Variants in NPTN observed in about 807,000 individuals in gnomAD.
NPTN encodes the protein SDR-1.
In NPTN, 5 loss-of-function variants were observed where a neutral mutation model predicts 42.7. That is an observed-to-expected ratio of 0.12 (90% CI 0.06 to 0.25). The LOEUF (loss-of-function observed/expected upper bound fraction) is 0.25, where lower values mean the gene tolerates loss of function less well. NPTN is among the 10% of genes least tolerant of loss of function. NPTN has a pLI of 1.00. For synonymous variants in NPTN, 180 were observed against 201.9 expected (o/e 0.89, Z 0.92); for missense variants, 307 against 525.4 (o/e 0.58, Z 4.06).
At chr15:73,583,675 CA>C (rs1448511325) in intron 4 of NPTN, among the ~76,000 whole-genome samples, 4 of 152,198 alleles carry the variant, frequency 2.6e-5, no homozygotes, top group Non-Finnish European at 5.9e-5. Context: ...ATTATGCCTT[CA>C]AAGACTTCTC....
chr15:73,587,671 T>C, intron 3 of NPTN, 53 bp from the exon 4 acceptor site: 1 of 1,299,428 alleles, frequency 7.7e-7, no homozygotes, highest in Non-Finnish European at 1.1e-6. Context: ...GGTCAAAATA[T>C]AAAACAGAAG....
intron 1 of NPTN, among the ~76,000 whole-genome samples, chr15:73,630,775 TG>T (rs1898693866): frequency 6.6e-6 from 1 of 152,220 alleles, no homozygotes; most frequent in African/African-American, 2.4e-5. Flanking sequence ...TTGAAAGCAC[TG>T]TAAGAAAACA....
At chr15:73,610,198 C>T (rs1897508174) in intron 1 of NPTN, among the ~76,000 whole-genome samples, 1 of 152,050 alleles carries the variant, frequency 6.6e-6, no homozygotes, top group Non-Finnish European at 1.5e-5. Flanking sequence ...GCAATCCTCC[C>T]ACCTCAGCCT....
At chr15:73,577,129 T>C (rs769067215) in intron 4 of NPTN, among the ~76,000 whole-genome samples, 1 of 152,216 alleles carries the variant, frequency 6.6e-6, no homozygotes, top group Non-Finnish European at 1.5e-5. Context: ...TACCTTACAG[T>C]AGGCTGTTCA....
chr15:73,600,374 C>T (rs1264955144), intron 1 of NPTN, among the ~76,000 whole-genome samples: 1 of 152,164 alleles, frequency 6.6e-6, no homozygotes, highest in Admixed American at 6.5e-5. Flanking sequence ...TATAGAGTAA[C>T]AGTGACATTT....
rs1898875916 is a variant in NPTN, at chr15:73,633,350, C to T, written c.-135G>A. 3.4e-6 allele frequency: 2 copies of T among 582,264 alleles called. No individual in the cohort carries two copies. Among genetic ancestry groups the T allele is most frequent in the South Asian group, 3.5e-5 (1 of 28,606 alleles). 36.1% of individuals were successfully genotyped at this position (582,264 alleles called of 1,614,324 possible). The stretch of plus-strand genomic sequence containing the variant: ...GAGGCAGCCGCGGCTCGGCTCCGTC[C>T]TTCCCCGTCCTCCTCCTGCCGCCGC... On this transcript the variant is annotated 5_prime_UTR_variant, in exon 1 of 9. Transcript: ENST00000345330.
chr15:73,621,807 A>G (rs986301103), intron 1 of NPTN, among the ~76,000 whole-genome samples: 3 of 152,204 alleles, frequency 2.0e-5, no homozygotes, highest in Non-Finnish European at 4.4e-5. Context: ...AATATGGGTA[A>G]GTATAACTAG....
intron 4 of NPTN, among the ~76,000 whole-genome samples, chr15:73,583,327 A>G (rs144374100): frequency 1.3e-5 from 2 of 152,206 alleles, no homozygotes; most frequent in African/African-American, 2.4e-5. Context: ...TTAGGAGCAC[A>G]GGATCTAGTG....
chr15:73,629,159 G>T (rs908662014), intron 1 of NPTN, among the ~76,000 whole-genome samples: 1 of 152,124 alleles, frequency 6.6e-6, no homozygotes. Context: ...CTCCCAGACC[G>T]AACCAATTTC....
intron 1 of NPTN, among the ~76,000 whole-genome samples, chr15:73,613,538 T>G (rs575706890): frequency 1.3e-5 from 2 of 152,234 alleles, no homozygotes; most frequent in Admixed American, 6.5e-5. Flanking sequence ...AATTTCAGAT[T>G]ATCATATTTA....
At chr15:73,611,837 T>G (rs1897595925) in intron 1 of NPTN, among the ~76,000 whole-genome samples, 1 of 152,118 alleles carries the variant, frequency 6.6e-6, no homozygotes, top group African/African-American at 2.4e-5. Context: ...GGGGGCTGTA[T>G]GTGTGTGGGG....
intron 1 of NPTN, among the ~76,000 whole-genome samples, chr15:73,600,888 C>T (rs981580298): frequency 6.6e-6 from 1 of 152,108 alleles, no homozygotes; most frequent in Non-Finnish European, 1.5e-5. Flanking sequence ...GATTCTGAGG[C>T]AAGACTGCCT....
intron 4 of NPTN, among the ~76,000 whole-genome samples, chr15:73,581,516 T>G (rs530507609): frequency 6.6e-6 from 1 of 152,296 alleles, no homozygotes; most frequent in Admixed American, 6.5e-5. Flanking sequence ...TTAATGGCTA[T>G]CCCTCCAGTA....
At position 73,633,112 on chromosome 15, in the gene NPTN, G is replaced by A. The variant is rs1474785791; in HGVS notation, c.91+13C>T. On this transcript the variant is annotated intron_variant, in intron 1 of 8. Coordinates refer to ENST00000345330, the MANE Select transcript of NPTN (RefSeq NM_012428.4). Reference sequence around the variant, plus strand: ...TCAACCCCCGCCCGGCCCGCCCCCGGCGCCCCGCTTACCGTTCTGAGCGGC... The same window carrying A: ...TCAACCCCCGCCCGGCCCGCCCCCGACGCCCCGCTTACCGTTCTGAGCGGC... The A allele has an allele frequency of 2.8e-6, 4 of 1,453,732 alleles. No individual in the cohort carries two copies. In the African/African-American group the frequency reaches 4.5e-5, roughly 16 times the overall value. The allele number at this position is 1,453,732 out of a possible 1,614,324, so 90.1% of individuals were successfully genotyped here. A position where few individuals can be genotyped will look rare whatever the true frequency, so the allele number is the denominator to read the frequency against.
intron 1 of NPTN, among the ~76,000 whole-genome samples, chr15:73,605,197 C>T (rs1001185520): frequency 6.6e-6 from 1 of 151,674 alleles, no homozygotes; most frequent in Admixed American, 6.6e-5. Flanking sequence ...GGCTCACACA[C>T]ATCCATGAAG....
intron 6 of NPTN, among the ~76,000 whole-genome samples, chr15:73,564,936 G>C (rs896157535): frequency 6.6e-6 from 1 of 152,164 alleles, no homozygotes; most frequent in African/African-American, 2.4e-5. Context: ...AGGGAGAATC[G>C]CAATAGCCAG....
At chr15:73,601,554 T>G (rs1897085070) in intron 1 of NPTN, among the ~76,000 whole-genome samples, 1 of 152,202 alleles carries the variant, frequency 6.6e-6, no homozygotes, top group South Asian at 2.1e-4. Context: ...CAAACAAATA[T>G]GTACCTTCAA....
chr15:73,622,545 C>T (rs1052978174), intron 1 of NPTN, among the ~76,000 whole-genome samples: 2 of 148,220 alleles, frequency 1.3e-5, no homozygotes, highest in Non-Finnish European at 3.0e-5. Flanking sequence ...ACCTTCTTCT[C>T]GAAAACAGCT....
Position 73,592,108 on chromosome 15 carries a change from T to C in NPTN, c.469A>G (p.Ile157Val), listed in dbSNP as rs755961286. 2 of 1,613,940 alleles carry C rather than the reference T, an allele frequency of 1.2e-6. No individual in the cohort carries two copies. The highest frequency in any genetic ancestry group is 8.5e-7 in the Non-Finnish European group (1 of 1,179,900). ...GGGAGAACAGGGCTGTCTCGAATAA[T>C]GACCTCTTCACTGGTGACAATCCTT... ...KPRIVTSEEV[I>V]IRDSPVLPVT... The change falls in exon 3 of 9, where the codon ATT becomes GTT. Residue 157 changes from isoleucine to valine, a missense_variant. Ile to Val is a conservative substitution (Grantham distance 29). Around this residue, in one of 2 missense-constraint regions of NPTN, gnomAD observed 264 missense variants for 491.1 expected, o/e 0.54. Coordinates refer to ENST00000345330, the MANE Select transcript of NPTN (RefSeq NM_012428.4).
Sources: allele counts gnomAD v4.1 joint callset (sites outside exome capture counted in the v4.1 genomes callset), GRCh38; gene constraint gnomAD v4.1.1; regional missense constraint gnomAD v4.1.1; transcripts MANE v1.5; gene names NCBI Gene and HGNC (gene_info 2026-07-23, HGNC 2026-07-21).